Variants in CPS1 observed in about 807,000 individuals in gnomAD.
The protein encoded by CPS1 is carbamoyl-phosphate synthase [ammonia], mitochondrial.
A neutral mutation model predicts 174.6 loss-of-function variants in CPS1; 109 were observed. The observed-to-expected ratio is 0.62, with a 90% CI of 0.53 to 0.73. The LOEUF is 0.73. Ranked by LOEUF, CPS1 falls within the 30% of genes least tolerant of loss-of-function variation. CPS1 has a pLI of 0.00. For synonymous variants in CPS1, 637 were observed against 632.0 expected, an observed-to-expected ratio of 1.01 and a Z score of -0.12; for missense variants, 1,689 against 1,821.9, an observed-to-expected ratio of 0.93 and a Z score of 1.33.
At chr2:210,550,187 T>G (rs1559071715) in intron 1 of CPS1, among the ~76,000 whole-genome samples, 2 of 152,010 alleles carry the variant, frequency 1.3e-5, no homozygotes, top group Non-Finnish European at 2.9e-5. Flanking sequence ...TACTTTCTTC[T>G]GTCTCATTGT....
At chr2:210,557,482 G>A (rs1215198160) in intron 1 of CPS1, among the ~76,000 whole-genome samples, 1 of 151,876 alleles carries the variant, frequency 6.6e-6, no homozygotes, top group African/African-American at 2.4e-5. Flanking sequence ...CCCTCCACAG[G>A]TATCTATAAT....
At chr2:210,555,172 T>TA (rs1574518530), upstream of CPS1, among the ~76,000 whole-genome samples, 1 of 152,016 alleles carries the variant, frequency 6.6e-6, no homozygotes, top group Admixed American at 6.6e-5. Context: ...TTTTAAAAAA[T>TA]ATACCACATG....
chr2:210,553,604 A>G (rs1696785552), upstream of CPS1, among the ~76,000 whole-genome samples: 1 of 152,014 alleles, frequency 6.6e-6, no homozygotes, highest in Non-Finnish European at 1.5e-5. Flanking sequence ...GTGTGCCTGC[A>G]TTCATGCCTG....
intron 23 of CPS1, 76 bp from the exon 24 acceptor site, chr2:210,639,920 G>T: frequency 9.8e-7 from 1 of 1,024,984 alleles, no homozygotes; most frequent in South Asian, 1.3e-5. Flanking sequence ...CATACTTAAT[G>T]ATAGGACAAC....
intron 1 of CPS1, among the ~76,000 whole-genome samples, chr2:210,494,266 C>T (rs2105954726): frequency 2.0e-5 from 3 of 152,304 alleles, no homozygotes; most frequent in Middle Eastern, 3.4e-3. Flanking sequence ...TTGACATCTT[C>T]AAAAACATCA....
At chr2:210,490,976 A>G (rs1574463430) in intron 1 of CPS1, among the ~76,000 whole-genome samples, 1 of 152,194 alleles carries the variant, frequency 6.6e-6, no homozygotes, top group African/African-American at 2.4e-5. Flanking sequence ...TCTGTAAGAT[A>G]TAGAATGTTC....
intron 1 of CPS1, among the ~76,000 whole-genome samples, chr2:210,515,309 C>T (rs1695651395): frequency 6.6e-6 from 1 of 150,990 alleles, no homozygotes; most frequent in Non-Finnish European, 1.5e-5. Context: ...TAGAATTTTG[C>T]TGTGAATCTA....
At chr2:210,641,035 C>A (rs149016014) in intron 24 of CPS1, among the ~76,000 whole-genome samples, 158 of 152,288 alleles carry the variant, frequency 1.0e-3, no homozygotes, top group African/African-American at 3.7e-3. Context: ...CGCCTTAAAC[C>A]TTGTGCCTCC....
chr2:210,521,458 T>C (rs1343226422), intron 1 of CPS1, among the ~76,000 whole-genome samples: 1 of 151,958 alleles, frequency 6.6e-6, no homozygotes, highest in African/African-American at 2.4e-5. Flanking sequence ...TATTGGTTTA[T>C]AGTTTTTATC....
intron 1 of CPS1, among the ~76,000 whole-genome samples, chr2:210,503,536 T>A (rs1695202559): frequency 6.6e-6 from 1 of 152,200 alleles, no homozygotes; most frequent in African/African-American, 2.4e-5. Context: ...TTTTTACCTT[T>A]ATCTTTTCCC....
intron 1 of CPS1, among the ~76,000 whole-genome samples, chr2:210,534,342 C>T (rs2544309): frequency 1 from 152,301 of 152,310 alleles, 76,146 homozygotes; most frequent in Non-Finnish European, 1. Context: ...GGAGGAACCA[C>T]AGTAATCACT....
chr2:210,602,334 T>C lies in CPS1; in HGVS notation c.1836+4T>C. On this transcript the variant is annotated splice_donor_region_variant and intron_variant, in intron 16 of 37. Transcript: ENST00000233072. The stretch of plus-strand genomic sequence containing the variant: ...TTTGATGGACCTCAGCACAAAGGTA[T>C]GTATTTTTGTAGACAATATTCTTAC... The C allele has an allele frequency of 3.7e-6, 6 of 1,612,396 alleles. No individual in the cohort carries two copies. The highest frequency in any genetic ancestry group is 2.2e-5 in the South Asian group (2 of 91,056).
rs1340351041 is a variant in CPS1 at position 210,486,123 on chromosome 2, C to T, written c.3+8357C>T. Reference sequence around the variant, plus strand: ...ATATATACACACACACATACACACACACACACACACACACACACACACACA... The same window carrying T: ...ATATATACACACACACATACACACATACACACACACACACACACACACACA... On this transcript the variant is annotated intron_variant, in intron 1 of 38. Transcript: ENST00000430249. Among the ~76,000 whole-genome samples, 3 of 77,624 alleles carry T rather than the reference C, an allele frequency of 3.9e-5. No individual in the cohort carries two copies. In the East Asian group the frequency reaches 1.1e-3, roughly 28 times the overall value. 50.9% of individuals were successfully genotyped at this position (77,624 alleles called of 152,430 possible).
At chr2:210,590,693 A>G in intron 8 of CPS1, 107 bp from the exon 9 acceptor site, 1 of 811,648 alleles carries the variant, frequency 1.2e-6, no homozygotes, top group South Asian at 1.5e-5. Flanking sequence ...TTCAGTTACT[A>G]TTCTCTTTAC....
At chr2:210,579,907 T>C in intron 5 of CPS1, 137 bp downstream of exon 5, 1 of 725,326 alleles carries the variant, frequency 1.4e-6, no homozygotes, top group Non-Finnish European at 2.4e-6. Context: ...GCTATCTGGG[T>C]CTCTGTTATT....
chr2:210,547,835 G>A (rs527520568), intron 1 of CPS1, among the ~76,000 whole-genome samples: 75 of 152,094 alleles, frequency 4.9e-4, no homozygotes, highest in African/African-American at 1.7e-3. Context: ...ATATTTAAGA[G>A]AATCCTTAGT....
intron 1 of CPS1, among the ~76,000 whole-genome samples, chr2:210,570,970 G>A (rs978221595): frequency 9.9e-5 from 15 of 151,838 alleles, no homozygotes; most frequent in African/African-American, 3.6e-4. Context: ...TTCAACTTCT[G>A]TCTTGAATTG....
chr2:210,543,700 A>G (rs1696489965), intron 1 of CPS1, among the ~76,000 whole-genome samples: 1 of 152,096 alleles, frequency 6.6e-6, no homozygotes, highest in Non-Finnish European at 1.5e-5. Context: ...TGAAAGCTCC[A>G]ATTCATTTAT....
intron 1 of CPS1, among the ~76,000 whole-genome samples, chr2:210,511,877 A>G (rs918232): frequency 0.62 from 93,461 of 151,826 alleles, 29,172 homozygotes; most frequent in South Asian, 0.68. Flanking sequence ...GGTTTCAATA[A>G]TCTTCAATAA....
Sources: allele counts gnomAD v4.1 joint callset (sites outside exome capture counted in the v4.1 genomes callset), GRCh38; gene constraint gnomAD v4.1.1; transcripts MANE v1.5; gene names NCBI Gene and HGNC (gene_info 2026-07-23, HGNC 2026-07-21).